GRK3: variants seen among roughly 807,000 people sequenced by gnomAD.
The protein encoded by GRK3 is G protein-coupled receptor kinase 3, also known as adrenergic, beta, receptor kinase 2.
GRK3 carries 54 observed loss-of-function variants against 95.7 expected under a neutral mutation model. The ratio of observed to expected loss-of-function variants is 0.56; its 90% CI spans 0.45 to 0.71. The LOEUF (loss-of-function observed/expected upper bound fraction) is 0.71, where lower values mean the gene tolerates loss of function less well. Among genes scored for constraint, GRK3 ranks in the 30% least tolerant of loss-of-function variants. The pLI is 0.00. For synonymous variants in GRK3, 281 were observed against 290.8 expected, an observed-to-expected ratio of 0.97 and a Z score of 0.34; for missense variants, 649 against 851.2, an observed-to-expected ratio of 0.76 and a Z score of 2.96.
intron 19 of GRK3, among the ~76,000 whole-genome samples, chr22:25,720,368 T>G (rs2085421350): frequency 1.3e-5 from 2 of 151,754 alleles, no homozygotes; most frequent in Admixed American, 6.6e-5. Flanking sequence ...GTGCCATTTC[T>G]CATTCAGGAT....
intron 2 of GRK3, among the ~76,000 whole-genome samples, chr22:25,620,006 TTGTGTGTGTGTGTGTGTGTG>T (rs56260834): frequency 1.0e-4 from 9 of 90,316 alleles, no homozygotes; most frequent in Non-Finnish European, 1.4e-4. Context: ...TTTGTCTTTT[TTGTGTGTGTGTGTGTGTGTG>T]TGTGTGTGTG....
intron 17 of GRK3, among the ~76,000 whole-genome samples, chr22:25,711,597 GT>G (rs945918649): frequency 5.3e-5 from 8 of 151,862 alleles, no homozygotes; most frequent in African/African-American, 1.7e-4. Flanking sequence ...AATAATCACT[GT>G]TTTTTTTAAT....
intron 1 of GRK3, among the ~76,000 whole-genome samples, chr22:25,595,280 C>T (rs2084364918): frequency 6.6e-6 from 1 of 151,886 alleles, no homozygotes; most frequent in African/African-American, 2.4e-5. Context: ...CCAAAGACTC[C>T]AGGAATTGAT....
intron 17 of GRK3, among the ~76,000 whole-genome samples, chr22:25,713,644 G>C (rs2085361209): frequency 6.6e-6 from 1 of 152,202 alleles, no homozygotes; most frequent in East Asian, 1.9e-4. Context: ...CAGCAGGCTT[G>C]CTAGTATTTC....
At chr22:25,626,133 A>G (rs1330466113) in intron 2 of GRK3, among the ~76,000 whole-genome samples, 3 of 152,200 alleles carry the variant, frequency 2.0e-5, no homozygotes, top group Non-Finnish European at 2.9e-5. Flanking sequence ...TGGTCCCTAC[A>G]TTAGCCAGGA....
chr22:25,706,570 A>G (rs2085301623), intron 15 of GRK3, among the ~76,000 whole-genome samples: 1 of 151,968 alleles, frequency 6.6e-6, no homozygotes, highest in Admixed American at 6.6e-5. Flanking sequence ...TCGCTCTGTT[A>G]CCCAGGTTGG....
At chr22:25,627,095 G>A (rs1256101722) in intron 2 of GRK3, among the ~76,000 whole-genome samples, 1 of 152,110 alleles carries the variant, frequency 6.6e-6, no homozygotes, top group Non-Finnish European at 1.5e-5. Flanking sequence ...AGGGGAAGGA[G>A]GACAGATTCA....
rs1057319037 is a variant in GRK3, at chr22:25,722,603, C to T, written c.*153C>T. On this transcript the variant is annotated 3_prime_UTR_variant, in exon 21 of 21. Transcript: ENST00000324198. ...CCTTCGGCTTGGGGTCAGCTCAGCTCCCTGCCTTGTCACATTTGTCTGCAT... is the reference window on the plus strand; with the variant it reads ...CCTTCGGCTTGGGGTCAGCTCAGCTTCCTGCCTTGTCACATTTGTCTGCAT... 1 of 645,836 alleles carries T rather than the reference C, an allele frequency of 1.5e-6. No homozygotes were observed. Among genetic ancestry groups the T allele is most frequent in the Non-Finnish European group, 2.6e-6 (1 of 390,476 alleles). 40.0% of individuals were successfully genotyped at this position (645,836 alleles called of 1,614,324 possible). A position where few individuals can be genotyped will look rare whatever the true frequency, so the allele number is the denominator to read the frequency against.
chr22:25,633,156 A>G (rs1412237756), intron 2 of GRK3, among the ~76,000 whole-genome samples: 1 of 151,928 alleles, frequency 6.6e-6, no homozygotes, highest in Non-Finnish European at 1.5e-5. Context: ...ACCTCAAGTG[A>G]TCCACCCGCC....
rs953384167 is a variant in GRK3, at chr22:25,728,577, T to C, written c.*6127T>C. ...TGTGCCAAATCCCCACCATCAGCCT[T>C]GCCATTGCCTTAAGATTTGATTATT... On this transcript the variant is annotated 3_prime_UTR_variant, in exon 21 of 21. Coordinates refer to ENST00000324198, the MANE Select transcript of GRK3 (RefSeq NM_005160.4). 6.6e-6 allele frequency: 1 copy of C among 152,200 alleles called. No homozygotes were observed. Among genetic ancestry groups the C allele is most frequent in the African/African-American group, 2.4e-5 (1 of 41,446 alleles). The allele number at this position is 152,200 out of a possible 1,614,324, so 9.4% of individuals were successfully genotyped here.
Position 25,701,668 on chromosome 22 carries a change from G to A in GRK3, c.1161-1842G>A, listed in dbSNP as rs112100027. 4.8e-3 allele frequency among the ~76,000 whole-genome samples: 736 copies of A among 152,242 alleles called. 7 individuals carry two copies. The highest frequency in any genetic ancestry group is 0.017 in the African/African-American group (711 of 41,532). On this transcript the variant is annotated intron_variant, in intron 13 of 20. Coordinates refer to ENST00000324198, the MANE Select transcript of GRK3 (RefSeq NM_005160.4). The stretch of plus-strand genomic sequence containing the variant: ...GAACACAGCAGGCTGCAAGTACATC[G>A]GGACCAGATGCAGGAGTGGGGTCCT...
rs1432672906 is a variant in GRK3 at position 25,728,007 on chromosome 22, AT to A, written c.*5561del. 6.6e-6 allele frequency: 1 copy of A among 152,208 alleles called. No homozygotes were observed. Among genetic ancestry groups the A allele is most frequent in the Non-Finnish European group, 1.5e-5 (1 of 68,032 alleles). The allele number at this position is 152,208 out of a possible 1,614,324, so 9.4% of individuals were successfully genotyped here. A position where few individuals can be genotyped will look rare whatever the true frequency, so the allele number is the denominator to read the frequency against. On this transcript the variant is annotated 3_prime_UTR_variant, in exon 21 of 21. Transcript: ENST00000324198. The stretch of plus-strand genomic sequence containing the variant: ...TATATATATAAGAAACAAGAGTTCT[AT>A]TTTAGCACAAAGGCATTTTATATTA...
chr22:25,688,016 C>T (rs753654997), intron 11 of GRK3, among the ~76,000 whole-genome samples: 17 of 152,258 alleles, frequency 1.1e-4, no homozygotes, highest in Non-Finnish European at 2.2e-4. Context: ...GAGGGCGGAT[C>T]ACAAGGTCAG....
At position 25,644,350 on chromosome 22, in the gene GRK3, G is replaced by A. The variant is rs191986264; in HGVS notation, c.191-242G>A. On this transcript the variant is annotated intron_variant, in intron 2 of 20. Transcript: ENST00000324198. ...ATCATACTTTTGTGGAAAGTGGGGG[G>A]CGGGGGTGAACATGAATAGAGAAGG... Among the ~76,000 whole-genome samples, 553 of 152,058 alleles carry A rather than the reference G, an allele frequency of 3.6e-3. 2 individuals carry two copies. Among genetic ancestry groups the A allele is most frequent in the African/African-American group, 0.013 (530 of 41,458 alleles).
At chr22:25,685,466 A>C (rs2146431127) in intron 10 of GRK3, among the ~76,000 whole-genome samples, 1 of 152,354 alleles carries the variant, frequency 6.6e-6, no homozygotes, top group East Asian at 1.9e-4. Flanking sequence ...TCTTCCCAAG[A>C]AAAGATTCTA....
Position 25,623,129 on chromosome 22 carries a change from A to C in GRK3, c.190+18676A>C, listed in dbSNP as rs528285857. On this transcript the variant is annotated intron_variant, in intron 2 of 20. Transcript: ENST00000324198. ...GCTAATTTTTGTATTTTTTGTAGAG[A>C]CGGGGTATCTCCATGTTGTCCAGGC... Among the ~76,000 whole-genome samples the C allele has an allele frequency of 7.9e-5, 12 of 151,998 alleles. No homozygotes were observed. In the East Asian group the frequency reaches 2.1e-3, roughly 27 times the overall value.
At chr22:25,622,058 C>G (rs944368754) in intron 2 of GRK3, among the ~76,000 whole-genome samples, 2 of 152,156 alleles carry the variant, frequency 1.3e-5, no homozygotes. Flanking sequence ...AACCCCTCCT[C>G]TCTTTGTCAA....
rs575448958 is a variant in GRK3 at position 25,688,040 on chromosome 22, T to C, written c.957+373T>C. Among the ~76,000 whole-genome samples the C allele has an allele frequency of 1.8e-4, 28 of 152,178 alleles. No homozygotes were observed. In the East Asian group the frequency reaches 1.9e-3, roughly 11 times the overall value. On this transcript the variant is annotated intron_variant, in intron 11 of 20. Transcript: ENST00000324198. ...TCACAAGGTCAGGAGATCAAGGCCA[T>C]CCTGGCTAACACAGTGAAACCCCGT...
At chr22:25,675,607 G>T (rs2085022200) in intron 8 of GRK3, among the ~76,000 whole-genome samples, 1 of 152,176 alleles carries the variant, frequency 6.6e-6, no homozygotes, top group African/African-American at 2.4e-5. Flanking sequence ...TAGTGTGTGA[G>T]GCTTGGTTAT....
Sources: gnomAD v4.1 joint callset for allele counts (sites outside exome capture counted in the v4.1 genomes callset) on GRCh38, gnomAD v4.1.1 for gene constraint, MANE v1.5 for transcripts, NCBI Gene and HGNC (gene_info 2026-07-23, HGNC 2026-07-21) for gene names.